Variants in ANKIB1 observed in about 807,000 individuals in gnomAD.
The protein encoded by ANKIB1 is ankyrin repeat and IBR domain-containing protein 1.
In ANKIB1, 43 loss-of-function variants were observed where a neutral mutation model predicts 122.1. The observed-to-expected ratio is 0.35, with a 90% CI of 0.28 to 0.45. The LOEUF is 0.45. Among genes scored for constraint, ANKIB1 ranks in the 20% least tolerant of loss-of-function variants. The pLI is 1.00. For synonymous variants in ANKIB1, 390 were observed against 442.0 expected, an observed-to-expected ratio of 0.88 and a Z score of 1.48; for missense variants, 992 against 1,329.5, an observed-to-expected ratio of 0.75 and a Z score of 3.95.
In ANKIB1 at chr7:92,313,034, C is replaced by A. The variant is rs544765190; in HGVS notation, c.486+5378C>A. ...CTAGTCATTAGGCCTCATTATGTTT[C>A]CATTAGTGCTTAACCTGTAATAGTG... On this transcript the variant is annotated intron_variant, in intron 3 of 19. Coordinates refer to ENST00000265742, the MANE Select transcript of ANKIB1 (RefSeq NM_019004.2). Among the ~76,000 whole-genome samples, 10 of 152,198 alleles carry A rather than the reference C, an allele frequency of 6.6e-5. No individual in the cohort carries two copies. The South Asian group carries it at 2.1e-3, about 32-fold the overall frequency.
chr7:92,258,546 T>G (rs751908769), intron 1 of ANKIB1, among the ~76,000 whole-genome samples: 1 of 152,222 alleles, frequency 6.6e-6, no homozygotes, highest in Non-Finnish European at 1.5e-5. Flanking sequence ...GTTTCTCTCC[T>G]GTGTCTTAGA....
chr7:92,280,400 G>A (rs1237361691), intron 1 of ANKIB1, among the ~76,000 whole-genome samples: 1 of 86,282 alleles, frequency 1.2e-5, no homozygotes, highest in African/African-American at 4.6e-5. Context: ...AAACGCAAGG[G>A]TGATGGGGTT....
chr7:92,268,741 G>A (rs1362621425), intron 1 of ANKIB1, among the ~76,000 whole-genome samples: 4 of 152,204 alleles, frequency 2.6e-5, no homozygotes, highest in Admixed American at 6.5e-5. Context: ...CTCTCCAAGT[G>A]CTGGGATTAC....
intron 2 of ANKIB1, among the ~76,000 whole-genome samples, chr7:92,295,923 G>T (rs763038600): frequency 6.6e-6 from 1 of 152,062 alleles, no homozygotes; most frequent in Non-Finnish European, 1.5e-5. Flanking sequence ...TTTTTTAGAA[G>T]TAGATTATGC....
chr7:92,269,101 A>G (rs1801732607), intron 1 of ANKIB1, among the ~76,000 whole-genome samples: 1 of 152,238 alleles, frequency 6.6e-6, no homozygotes, highest in Non-Finnish European at 1.5e-5. Context: ...TTTATAATAC[A>G]ATTGAAAGTA....
chr7:92,346,031 G>C (rs912419432), intron 7 of ANKIB1, among the ~76,000 whole-genome samples: 1 of 151,944 alleles, frequency 6.6e-6, no homozygotes, highest in African/African-American at 2.4e-5. Flanking sequence ...GTCATTCCCA[G>C]GTTTCCTCAT....
chr7:92,334,618 G>C (rs1803247306), intron 5 of ANKIB1, among the ~76,000 whole-genome samples: 1 of 151,744 alleles, frequency 6.6e-6, no homozygotes, highest in East Asian at 1.9e-4. Context: ...AACTAAAAAT[G>C]GCTCTCATGA....
chr7:92,377,208 T>G (rs1804400809), intron 11 of ANKIB1, among the ~76,000 whole-genome samples: 1 of 152,044 alleles, frequency 6.6e-6, no homozygotes, highest in Admixed American at 6.6e-5. Flanking sequence ...CCTTATAGGG[T>G]TCTTAATTGA....
chr7:92,397,909 T>A, intron 19 of ANKIB1, 50 bp downstream of exon 19: 1 of 1,567,318 alleles, frequency 6.4e-7, no homozygotes, highest in Non-Finnish European at 8.6e-7. Context: ...CTTTCTCTGC[T>A]GAGTGTGGTT....
chr7:92,356,674 T>C (rs1357610847), intron 9 of ANKIB1, among the ~76,000 whole-genome samples: 1 of 152,166 alleles, frequency 6.6e-6, no homozygotes, highest in Non-Finnish European at 1.5e-5. Flanking sequence ...TAAAATAATA[T>C]GATAAAATAA....
intron 1 of ANKIB1, among the ~76,000 whole-genome samples, chr7:92,269,238 C>G (rs1407877566): frequency 6.6e-6 from 1 of 152,102 alleles, no homozygotes; most frequent in African/African-American, 2.4e-5. Context: ...TAAAATATTC[C>G]CTGATTCTAA....
chr7:92,321,073 C>T (rs528817445), intron 4 of ANKIB1, among the ~76,000 whole-genome samples: 4 of 151,914 alleles, frequency 2.6e-5, no homozygotes, highest in South Asian at 4.2e-4. Flanking sequence ...CCTCTCTTCC[C>T]GTTATTCTTT....
intron 1 of ANKIB1, among the ~76,000 whole-genome samples, chr7:92,250,223 A>C (rs560309117): frequency 5.5e-4 from 83 of 152,050 alleles, no homozygotes; most frequent in Non-Finnish European, 1.1e-3. Context: ...GAGAAACCCC[A>C]TCTCTACTAA....
chr7:92,317,485 A>C (rs1421686063), intron 3 of ANKIB1, among the ~76,000 whole-genome samples: 3 of 152,222 alleles, frequency 2.0e-5, no homozygotes, highest in Non-Finnish European at 4.4e-5. Flanking sequence ...ACTTAGAGCC[A>C]TTCTTAGCAA....
intron 10 of ANKIB1, among the ~76,000 whole-genome samples, chr7:92,362,848 G>T (rs1803982291): frequency 1.3e-5 from 2 of 152,120 alleles, no homozygotes; most frequent in African/African-American, 4.8e-5. Context: ...GCTTAGATTG[G>T]GTTGAATGAC....
intron 1 of ANKIB1, among the ~76,000 whole-genome samples, chr7:92,275,842 T>C (rs918783180): frequency 2.0e-5 from 3 of 152,202 alleles, no homozygotes; most frequent in African/African-American, 7.2e-5. Flanking sequence ...ACCCCTGCTA[T>C]TATAAATAAT....
intron 5 of ANKIB1, among the ~76,000 whole-genome samples, chr7:92,331,022 G>A (rs763736050): frequency 6.6e-6 from 1 of 152,070 alleles, no homozygotes; most frequent in Non-Finnish European, 1.5e-5. Context: ...TAAAATGCAA[G>A]GTCTGCATTT....
At chr7:92,308,029 G>A (rs1314366761) in intron 3 of ANKIB1, among the ~76,000 whole-genome samples, 1 of 151,508 alleles carries the variant, frequency 6.6e-6, no homozygotes, top group Non-Finnish European at 1.5e-5. Context: ...TCCAAAATTA[G>A]CCCAGCTAAT....
intron 3 of ANKIB1, among the ~76,000 whole-genome samples, chr7:92,313,437 G>A (rs1424291673): frequency 6.6e-6 from 1 of 152,080 alleles, no homozygotes; most frequent in South Asian, 2.1e-4. Flanking sequence ...TTATATTTCC[G>A]GTTCAGTAGC....
Sources: allele counts gnomAD v4.1 joint callset (sites outside exome capture counted in the v4.1 genomes callset), GRCh38; gene constraint gnomAD v4.1.1; transcripts MANE v1.5; gene names NCBI Gene and HGNC (gene_info 2026-07-23, HGNC 2026-07-21).